NBAS: variants seen among roughly 807,000 people sequenced by gnomAD.
NBAS encodes NBAS subunit of NRZ tethering complex.
Under a neutral mutation model 302.5 loss-of-function variants are expected in NBAS, and 219 were observed. That is an observed-to-expected ratio of 0.72 (90% CI 0.65 to 0.81). The LOEUF (loss-of-function observed/expected upper bound fraction) is 0.81, where lower values mean the gene tolerates loss of function less well. Among genes scored for constraint, NBAS ranks in the 30% least tolerant of loss-of-function variants. The pLI, the probability that NBAS is intolerant of heterozygous loss-of-function variation, is 0.00. For missense variants in NBAS, 2,932 were observed against 2,841.6 expected (o/e 1.03, Z -0.72); for synonymous variants, 1,118 against 1,021.6 (o/e 1.09, Z -1.80).
intron 11 of NBAS, among the ~76,000 whole-genome samples, chr2:15,493,215 G>A (rs1245585139): frequency 6.6e-6 from 1 of 152,158 alleles, no homozygotes; most frequent in Non-Finnish European, 1.5e-5. Context: ...CAGCCATGTG[G>A]AACTGTGAGT....
At chr2:15,119,446 T>A in the NBAS span, among the ~76,000 whole-genome samples, 5 of 151,820 alleles carry the variant, frequency 3.3e-5, no homozygotes, top group Admixed American at 6.6e-5. Flanking sequence ...GTTCCAGGGA[T>A]TCTCCTGCCT....
At chr2:14,949,608 A>T in the NBAS span, among the ~76,000 whole-genome samples, 1 of 152,148 alleles carries the variant, frequency 6.6e-6, no homozygotes, top group South Asian at 2.1e-4. Flanking sequence ...AATCAACCTA[A>T]GTGTCCATGA....
the NBAS span, among the ~76,000 whole-genome samples, chr2:15,009,342 C>T: frequency 6.6e-6 from 1 of 151,988 alleles, no homozygotes; most frequent in South Asian, 2.1e-4. Context: ...AAGTTATTTC[C>T]TTAATGTTGT....
At chr2:15,287,787 A>T (rs1167381061) in intron 41 of NBAS, among the ~76,000 whole-genome samples, 1 of 150,428 alleles carries the variant, frequency 6.6e-6, no homozygotes, top group Non-Finnish European at 1.5e-5. Context: ...CCCCGCATAA[A>T]CATCCTGAGC....
chr2:14,917,018 G>T, the NBAS span, among the ~76,000 whole-genome samples: 1 of 152,190 alleles, frequency 6.6e-6, no homozygotes, highest in Non-Finnish European at 1.5e-5. Context: ...TGGACCAAGG[G>T]TGAGAAGGCC....
chr2:15,362,790 T>C (rs980620440), intron 32 of NBAS, among the ~76,000 whole-genome samples: 2 of 152,152 alleles, frequency 1.3e-5, no homozygotes, highest in African/African-American at 2.4e-5. Context: ...CTGGGTGGTA[T>C]TGTGAAGGTT....
At chr2:14,966,353 T>C in the NBAS span, among the ~76,000 whole-genome samples, 2 of 152,226 alleles carry the variant, frequency 1.3e-5, no homozygotes, top group Non-Finnish European at 2.9e-5. Context: ...ATCTACCATA[T>C]TAACACACTT....
At chr2:14,826,242 A>G in the NBAS span, among the ~76,000 whole-genome samples, 1 of 152,200 alleles carries the variant, frequency 6.6e-6, no homozygotes, top group African/African-American at 2.4e-5. Flanking sequence ...AAGTCTTTGT[A>G]ATTATGTAAA....
At chr2:14,869,467 C>T in the NBAS span, among the ~76,000 whole-genome samples, 2 of 152,140 alleles carry the variant, frequency 1.3e-5, no homozygotes, top group Admixed American at 1.3e-4. Context: ...GCTTCACTCC[C>T]TTCTCTGTGT....
chr2:15,338,767 T>G (rs1672715442), intron 35 of NBAS, among the ~76,000 whole-genome samples: 1 of 151,520 alleles, frequency 6.6e-6, no homozygotes, highest in South Asian at 2.1e-4. Context: ...CCCAACACTT[T>G]GGGAGGCTGA....
the NBAS span, among the ~76,000 whole-genome samples, chr2:14,862,352 C>T: frequency 6.6e-6 from 1 of 152,044 alleles, no homozygotes; most frequent in Admixed American, 6.6e-5. Context: ...CTCCTGACCT[C>T]GTGATCCACC....
At chr2:15,403,169 T>C (rs1470890137) in intron 25 of NBAS, among the ~76,000 whole-genome samples, 1 of 152,210 alleles carries the variant, frequency 6.6e-6, no homozygotes, top group African/African-American at 2.4e-5. Flanking sequence ...TGGTTTTCAA[T>C]GTTTTAGTAG....
chr2:14,939,022 C>G, the NBAS span, among the ~76,000 whole-genome samples: 1 of 152,182 alleles, frequency 6.6e-6, no homozygotes, highest in African/African-American at 2.4e-5. Context: ...ACCCTAGAAC[C>G]ACCAGTGCCT....
At chr2:15,424,271 A>C (rs192869178) in intron 23 of NBAS, 44 bp downstream of exon 23, 1 of 1,610,072 alleles carries the variant, frequency 6.2e-7, no homozygotes, top group East Asian at 2.2e-5. Context: ...GATCCAAGGC[A>C]GTTCCACTAA....
the NBAS span, among the ~76,000 whole-genome samples, chr2:15,119,889 C>T: frequency 6.6e-6 from 1 of 152,168 alleles, no homozygotes; most frequent in East Asian, 1.9e-4. Context: ...AATTGCTGCT[C>T]CTTTTACAGA....
chr2:15,297,021 C>T (rs1261335035), intron 40 of NBAS, among the ~76,000 whole-genome samples: 1 of 152,118 alleles, frequency 6.6e-6, no homozygotes, highest in African/African-American at 2.4e-5. Flanking sequence ...ATTCACTTTT[C>T]CCAACAGATA....
chr2:15,288,012 C>A lies in NBAS; in HGVS notation c.5028-829G>T, dbSNP rs759055298. ...GGGCATCCCGAGCACCCAGCGTGGG[C>A]ATCCCGAGCATCTGCATAGGCAGCC... On this transcript the variant is annotated intron_variant, in intron 41 of 51. Transcript: ENST00000281513. 5.3e-4 allele frequency among the ~76,000 whole-genome samples: 80 copies of A among 152,342 alleles called. 1 individual carries two copies. Among genetic ancestry groups the A allele is most frequent in the Non-Finnish European group, 8.8e-4 (60 of 68,022 alleles).
intron 41 of NBAS, among the ~76,000 whole-genome samples, chr2:15,289,455 T>G (rs1453141604): frequency 1.3e-5 from 2 of 152,166 alleles, no homozygotes; most frequent in African/African-American, 2.4e-5. Context: ...CATCATGGAA[T>G]GAGAATTCCT....
At chr2:15,059,656 T>C in the NBAS span, among the ~76,000 whole-genome samples, 1 of 152,156 alleles carries the variant, frequency 6.6e-6, no homozygotes, top group Non-Finnish European at 1.5e-5. Flanking sequence ...TCATGTTTCA[T>C]AGCAAGTGTA....
Sources: gnomAD v4.1 joint callset for allele counts (sites outside exome capture counted in the v4.1 genomes callset) on GRCh38, gnomAD v4.1.1 for gene constraint, MANE v1.5 for transcripts, NCBI Gene and HGNC (gene_info 2026-07-23, HGNC 2026-07-21) for gene names.